The following VPS13D variants were observed in gnomAD, a reference collection of about 807,000 sequenced individuals.
VPS13D encodes vacuolar protein sorting 13 homolog D.
In VPS13D, 187 loss-of-function variants were observed where a neutral mutation model predicts 461.9. That is an observed-to-expected ratio of 0.40 (90% CI 0.36 to 0.46). The LOEUF (loss-of-function observed/expected upper bound fraction) is 0.46, where lower values mean the gene tolerates loss of function less well. Ranked by LOEUF, VPS13D falls within the 20% of genes least tolerant of loss-of-function variation. The pLI is 0.60. For synonymous variants in VPS13D, 1,951 were observed against 1,986.3 expected, an observed-to-expected ratio of 0.98 and a Z score of 0.47; for missense variants, 4,711 against 5,364.9, an observed-to-expected ratio of 0.88 and a Z score of 3.81.
intron 65 of VPS13D, among the ~76,000 whole-genome samples, chr1:12,422,263 A>C (rs1185376780): frequency 6.6e-6 from 1 of 152,158 alleles, no homozygotes; most frequent in Non-Finnish European, 1.5e-5. Flanking sequence ...TTCTTAACAA[A>C]TTATTTTCAT....
At chr1:12,492,732 C>G (rs540141557) in intron 67 of VPS13D, among the ~76,000 whole-genome samples, 1 of 152,244 alleles carries the variant, frequency 6.6e-6, no homozygotes, top group East Asian at 1.9e-4. Context: ...GGAAGAAACC[C>G]ATGTGCCATC....
chr1:12,332,669 C>A (rs1187809105), intron 37 of VPS13D, among the ~76,000 whole-genome samples: 1 of 151,890 alleles, frequency 6.6e-6, no homozygotes. Flanking sequence ...AGGGAATGGC[C>A]CTTGGGAACT....
chr1:12,329,684 A>G (rs1643280629), intron 36 of VPS13D, 145 bp from the exon 37 acceptor site: 1 of 622,838 alleles, frequency 1.6e-6, no homozygotes, highest in Non-Finnish European at 2.8e-6. Flanking sequence ...AATTGATGCA[A>G]AAAAGTACAT....
At chr1:12,400,962 GCACACACACACACACACA>G in intron 61 of VPS13D, among the ~76,000 whole-genome samples, 1 of 106,296 alleles carries the variant, frequency 9.4e-6, no homozygotes, top group East Asian at 2.6e-4. Context: ...CTGCGCGCGC[GCACACACACACACACACA>G]CACACACACA....
At chr1:12,486,244 G>A (rs951592323) in intron 67 of VPS13D, among the ~76,000 whole-genome samples, 4 of 152,186 alleles carry the variant, frequency 2.6e-5, no homozygotes, top group Non-Finnish European at 5.9e-5. Context: ...TTACATTTAA[G>A]GGCAAACAAT....
rs1158179156 is a variant in VPS13D at position 12,273,131 on chromosome 1, C to G, written c.2232C>G (p.Thr744=). The G allele has an allele frequency of 6.2e-7, 1 of 1,613,756 alleles. No homozygotes were observed. Among genetic ancestry groups the G allele is most frequent in the Non-Finnish European group, 8.5e-7 (1 of 1,179,856 alleles). The change falls in exon 18 of 70, where the codon ACC becomes ACG. Residue 744 remains threonine (T), a synonymous_variant. Coordinates refer to ENST00000620676, the MANE Select transcript of VPS13D (RefSeq NM_015378.4). ...TAGGAAGAATGCTTTTGACGAACAC[C>G]CAAGGTATAGTGTGAGTGGGAAATA... is the stretch of plus-strand genomic sequence containing the variant. ...VDLGRMLLTN[T]QDNSRRKSRD...
rs1374394316 is a variant in VPS13D at position 12,386,294 on chromosome 1, C to A, written c.11594C>A (p.Ala3865Glu). ...ATCAATGTGCACTATACACAGCTGG[C>A]AACCAGTCACATGCTTGAACTCAGC... ...TGINVHYTQL[A>E]TSHMLELSIQ... is the part of the protein sequence containing the mutation. Residue 3865 changes from alanine to glutamate, a missense_variant, in exon 60 of 70, where the codon GCA becomes GAA. Ala to Glu is a moderately radical substitution (Grantham distance 107, BLOSUM62 -1). This residue lies in a region of VPS13D where 4,411 missense variants were observed against 4,937.8 expected (regional missense o/e 0.89). Transcript: ENST00000620676. 6.2e-7 allele frequency: 1 copy of A among 1,612,134 alleles called. No homozygotes were observed. The highest frequency in any genetic ancestry group is 1.1e-5 in the South Asian group (1 of 90,628).
intron 23 of VPS13D, among the ~76,000 whole-genome samples, chr1:12,291,346 G>T (rs879931632): frequency 2.0e-5 from 3 of 152,198 alleles, no homozygotes; most frequent in East Asian, 1.9e-4. Flanking sequence ...GATGGGGTAT[G>T]AGTTAGGTGC....
chr1:12,426,970 T>C (rs1570149825), intron 65 of VPS13D, among the ~76,000 whole-genome samples: 1 of 152,066 alleles, frequency 6.6e-6, no homozygotes, highest in Non-Finnish European at 1.5e-5. Flanking sequence ...GCCAAGATCA[T>C]GCCATTGCAC....
At chr1:12,476,837 C>T (rs1338427955) in intron 67 of VPS13D, among the ~76,000 whole-genome samples, 1 of 152,220 alleles carries the variant, frequency 6.6e-6, no homozygotes, top group South Asian at 2.1e-4. Flanking sequence ...AATTAAGATT[C>T]GGAATGGCAA....
At chr1:12,408,761 C>A (rs1644686551) in intron 63 of VPS13D, among the ~76,000 whole-genome samples, 1 of 152,226 alleles carries the variant, frequency 6.6e-6, no homozygotes, top group Non-Finnish European at 1.5e-5. Flanking sequence ...TGACCTTTCT[C>A]TCTAGCCTTA....
chr1:12,256,008 G>A (rs1640910037), intron 7 of VPS13D, among the ~76,000 whole-genome samples: 1 of 151,878 alleles, frequency 6.6e-6, no homozygotes, highest in Non-Finnish European at 1.5e-5. Flanking sequence ...CTATTGATTA[G>A]ATAACATACC....
intron 5 of VPS13D, among the ~76,000 whole-genome samples, chr1:12,247,499 A>C (rs1486873718): frequency 1.3e-5 from 2 of 151,772 alleles, no homozygotes; most frequent in Admixed American, 6.6e-5. Context: ...ATTAAAAAAA[A>C]CCCAAAAAAA....
At chr1:12,260,015 CTTTTTT>C (rs70987243) in intron 10 of VPS13D, among the ~76,000 whole-genome samples, 29 of 72,812 alleles carry the variant, frequency 4.0e-4, no homozygotes, top group African/African-American at 9.8e-4. Flanking sequence ...GCTTTAGTGA[CTTTTTT>C]TTTTTTTTTT....
chr1:12,242,257 G>A (rs1640401726), intron 2 of VPS13D, among the ~76,000 whole-genome samples: 1 of 152,188 alleles, frequency 6.6e-6, no homozygotes, highest in South Asian at 2.1e-4. Context: ...GCTGGTGGTA[G>A]CACTACACAT....
At chr1:12,494,729 C>A (rs570916913) in intron 67 of VPS13D, among the ~76,000 whole-genome samples, 1 of 152,278 alleles carries the variant, frequency 6.6e-6, no homozygotes, top group South Asian at 2.1e-4. Flanking sequence ...CGTCATGTCC[C>A]TTTCTGTGTT....
chr1:12,272,955 G>T, intron 17 of VPS13D, 48 bp from the exon 18 acceptor site: 1 of 1,599,054 alleles, frequency 6.3e-7, no homozygotes, highest in East Asian at 2.3e-5. Context: ...CATGGATAAA[G>T]CTGTTGGGTT....
Position 12,276,067 on chromosome 1 carries a change from ATGGT to A in VPS13D, c.2483_2486del (p.Val828AspfsTer3). The stretch of plus-strand genomic sequence containing the variant: ...GCTGTCATTTATGGACCTCCAGATC[ATGGT>A]TGGACGAGTGAAAGACAATTGGAAG... On this transcript the variant is annotated frameshift_variant, in exon 19 of 70. Coordinates refer to ENST00000620676, the MANE Select transcript of VPS13D (RefSeq NM_015378.4). LOFTEE classifies it high-confidence loss of function. This position sits in a 1 kb window ranked among gnomAD's most constrained non-coding sequence, Gnocchi z 4.5. 1 of 1,614,132 alleles carries A rather than the reference ATGGT, an allele frequency of 6.2e-7. No homozygotes were observed. The highest frequency in any genetic ancestry group is 8.5e-7 in the Non-Finnish European group (1 of 1,180,030).
intron 1 of VPS13D, among the ~76,000 whole-genome samples, chr1:12,230,724 ACTC>A (rs1639938677): frequency 6.9e-6 from 1 of 144,898 alleles, no homozygotes; most frequent in East Asian, 2.0e-4. Context: ...TGGCCCAGCC[ACTC>A]CTCCTAGGTG....
Sources: gnomAD v4.1 joint callset for allele counts (sites outside exome capture counted in the v4.1 genomes callset) on GRCh38, gnomAD v4.1.1 for gene constraint, gnomAD v4.1.1 regional missense constraint, Gnocchi (gnomAD v3.1) non-coding constraint, MANE v1.5 for transcripts, NCBI Gene and HGNC (gene_info 2026-07-23, HGNC 2026-07-21) for gene names.